The following PHACTR2 variants were observed in gnomAD, a reference collection of about 807,000 sequenced individuals.
PHACTR2 encodes the protein phosphatase and actin regulator 2.
In PHACTR2, 30 loss-of-function variants were observed where a neutral mutation model predicts 76.0. The ratio of observed to expected loss-of-function variants is 0.39; its 90% confidence interval spans 0.30 to 0.54. The LOEUF (loss-of-function observed/expected upper bound fraction) is 0.54, where lower values mean the gene tolerates loss of function less well. PHACTR2 is among the 20% of genes least tolerant of loss of function. PHACTR2 has a pLI of 0.61. For synonymous variants in PHACTR2, 292 were observed against 292.5 expected, an observed-to-expected ratio of 1.00 and a Z score of 0.02; for missense variants, 696 against 781.1, an observed-to-expected ratio of 0.89 and a Z score of 1.30.
In PHACTR2 at chr6:143,580,540, G is replaced by A. The variant is rs1775561031; in HGVS notation, c.217+43333G>A. Among the ~76,000 whole-genome samples, 1 of 151,864 alleles carries A rather than the reference G, an allele frequency of 6.6e-6. No individual in the cohort carries two copies. Among genetic ancestry groups the A allele is most frequent in the Non-Finnish European group, 1.5e-5 (1 of 67,968 alleles). On this transcript the variant is annotated intron_variant, in intron 1 of 11. Transcript: ENST00000367584. The surrounding 1 kb of genome is among the most constrained non-coding windows in gnomAD (Gnocchi z 4.2). The stretch of plus-strand genomic sequence containing the variant: ...TACAAACAATTAGCTGGGCGTGGTG[G>A]CACACACCTGTAATCCCAGCTACTT...
In PHACTR2 at chr6:143,541,849, A is replaced by G. The variant is rs1238216752; in HGVS notation, c.217+4642A>G. Among the ~76,000 whole-genome samples, 1 of 152,146 alleles carries G rather than the reference A, an allele frequency of 6.6e-6. No individual in the cohort carries two copies. Among genetic ancestry groups the G allele is most frequent in the Non-Finnish European group, 1.5e-5 (1 of 68,026 alleles). On this transcript the variant is annotated intron_variant, in intron 1 of 11. Coordinates refer to the PHACTR2 transcript ENST00000367584. The surrounding 1 kb of genome is among the most constrained non-coding windows in gnomAD (Gnocchi z 5.3). ...TTGCTTATCCCTTGCTGGTGCTTCT[A>G]CTATGTTTCTTACTGACCTCCAAGG...
chr6:143,790,224 C>T lies in PHACTR2; in HGVS notation c.1845+1314C>T, dbSNP rs141906876. On this transcript the variant is annotated intron_variant, in intron 11 of 12. Coordinates refer to ENST00000440869, the MANE Select transcript of PHACTR2 (RefSeq NM_001100164.2). ...TTGTGAAGGTCAATAAGCTTGGGTGCGTAAATTTGGAAAATGAGATACAGT... is the reference window on the plus strand; with the variant it reads ...TTGTGAAGGTCAATAAGCTTGGGTGTGTAAATTTGGAAAATGAGATACAGT... Among the ~76,000 whole-genome samples the T allele has an allele frequency of 5.9e-5, 9 of 151,698 alleles. No individual in the cohort carries two copies. The East Asian group carries it at 1.4e-3, about 23-fold the overall frequency.
intron 1 of PHACTR2, among the ~76,000 whole-genome samples, chr6:143,622,185 A>C (rs1438962068): frequency 6.6e-6 from 1 of 152,044 alleles, no homozygotes; most frequent in Non-Finnish European, 1.5e-5. Flanking sequence ...TATATCTTTT[A>C]ATGTTTCCTC....
chr6:143,740,066 C>G (rs552257104), intron 2 of PHACTR2, among the ~76,000 whole-genome samples: 2 of 152,312 alleles, frequency 1.3e-5, no homozygotes, highest in East Asian at 3.9e-4. Flanking sequence ...GACGGAGCAG[C>G]CCTGAGGGCT....
intron 2 of PHACTR2, among the ~76,000 whole-genome samples, chr6:143,729,951 C>T (rs1005806849): frequency 6.6e-6 from 1 of 152,144 alleles, no homozygotes; most frequent in Non-Finnish European, 1.5e-5. Context: ...ATTACCTTTG[C>T]ACCTTTGTTC....
At chr6:143,573,309 T>C (rs1220295471) in intron 1 of PHACTR2, among the ~76,000 whole-genome samples, 1 of 152,222 alleles carries the variant, frequency 6.6e-6, no homozygotes, top group Non-Finnish European at 1.5e-5. Flanking sequence ...GGCTGCGTGC[T>C]TGGTTTAAGG....
In PHACTR2 at chr6:143,651,242, G is replaced by A. The variant is rs1312790800; in HGVS notation, c.13+42920G>A. On this transcript the variant is annotated intron_variant, in intron 1 of 11. Transcript: ENST00000305766. ...AAGGAACACTCTTACACTCTTGGTG[G>A]GAGTGTGAATTAGTTCAACCTTTGT... 2.0e-5 allele frequency among the ~76,000 whole-genome samples: 3 copies of A among 152,206 alleles called. No homozygotes were observed. The East Asian group carries it at 5.8e-4, about 29-fold the overall frequency.
chr6:143,596,594 T>C lies in PHACTR2; in HGVS notation c.217+59387T>C, dbSNP rs1582689760. Among the ~76,000 whole-genome samples the C allele has an allele frequency of 6.6e-6, 1 of 152,284 alleles. No individual in the cohort carries two copies. The highest frequency in any genetic ancestry group is 1.9e-4 in the East Asian group (1 of 5,180). On this transcript the variant is annotated intron_variant, in intron 1 of 11. Transcript: ENST00000367584. This position sits in a 1 kb window ranked among gnomAD's most constrained non-coding sequence, Gnocchi z 4.6. ...TGGCTCATGCCTGTAATCCCAGCAT[T>C]ATGGGATGCCAAGGTGGGAGGATCA...
intron 1 of PHACTR2, among the ~76,000 whole-genome samples, chr6:143,588,163 G>T (rs1028666273): frequency 6.6e-6 from 1 of 151,996 alleles, no homozygotes; most frequent in African/African-American, 2.4e-5. Flanking sequence ...AGAATTACAG[G>T]ATCCCAATTT....
At position 143,772,191 on chromosome 6, in the gene PHACTR2, T is replaced by C. The variant is rs1025095933; in HGVS notation, c.1233-67T>C. On this transcript the variant is annotated intron_variant, in intron 6 of 12. Transcript: ENST00000440869. The surrounding 1 kb of genome is among the most constrained non-coding windows in gnomAD (Gnocchi z 5.4). ...CCCATGAAACTAGAGCTCTTTTTCTTAGTGTCAGTGCCGCCAAGGGTTGCT... is the reference window on the plus strand; with the variant it reads ...CCCATGAAACTAGAGCTCTTTTTCTCAGTGTCAGTGCCGCCAAGGGTTGCT... 1 of 1,115,142 alleles carries C rather than the reference T, an allele frequency of 9.0e-7. No individual in the cohort carries two copies. Among genetic ancestry groups the C allele is most frequent in the African/African-American group, 1.5e-5 (1 of 65,090 alleles). 69.1% of individuals were successfully genotyped at this position (1,115,142 alleles called of 1,614,324 possible). A position where few individuals can be genotyped will look rare whatever the true frequency, so the allele number is the denominator to read the frequency against.
Position 143,823,829 on chromosome 6 carries a change from G to C in PHACTR2, c.*140G>C. ...GTGAAGGAAGTGTGTGACTCAGCTT[G>C]GCTGGGAAGTGCTCCTCACCTGTGT... On this transcript the variant is annotated 3_prime_UTR_variant, in exon 13 of 13. Coordinates refer to ENST00000440869, the MANE Select transcript of PHACTR2 (RefSeq NM_001100164.2). The surrounding 1 kb of genome is among the most constrained non-coding windows in gnomAD (Gnocchi z 5.7). 1.3e-6 allele frequency: 1 copy of C among 751,214 alleles called. No individual in the cohort carries two copies. Among genetic ancestry groups the C allele is most frequent in the Non-Finnish European group, 2.3e-6 (1 of 426,628 alleles). The allele number at this position is 751,214 out of a possible 1,614,324, so 46.5% of individuals were successfully genotyped here. A position where few individuals can be genotyped will look rare whatever the true frequency, so the allele number is the denominator to read the frequency against.
chr6:143,714,231 A>G (rs1778250394), intron 2 of PHACTR2, among the ~76,000 whole-genome samples: 2 of 152,234 alleles, frequency 1.3e-5, no homozygotes, highest in African/African-American at 2.4e-5. Flanking sequence ...ATCTTGAGGT[A>G]TAAAAGAAAG....
intron 6 of PHACTR2, among the ~76,000 whole-genome samples, chr6:143,771,158 GTATATATATATATATGTA>G (rs1305029698): frequency 0.046 from 664 of 14,516 alleles, 20 homozygotes; most frequent in South Asian, 0.29. Flanking sequence ...ATATATATAT[GTATATATATATATATGTA>G]TATATATATA....
intron 1 of PHACTR2, among the ~76,000 whole-genome samples, chr6:143,538,527 C>T (rs546506079): frequency 7.9e-5 from 12 of 152,316 alleles, no homozygotes; most frequent in African/African-American, 2.2e-4. Flanking sequence ...CTACCCATAG[C>T]GGCAAAAGCC....
At position 143,803,505 on chromosome 6, in the gene PHACTR2, G is replaced by A. The variant is rs1025209609; in HGVS notation, c.1846-3552G>A. 2.6e-5 allele frequency among the ~76,000 whole-genome samples: 4 copies of A among 152,080 alleles called. No homozygotes were observed. The highest frequency in any genetic ancestry group is 9.7e-5 in the African/African-American group (4 of 41,388). Reference sequence around the variant, plus strand: ...AGAGGTTGCAGTGAGCTGAGATCACGCCACTGCACTCCAACCTGAATGACA... The same window carrying A: ...AGAGGTTGCAGTGAGCTGAGATCACACCACTGCACTCCAACCTGAATGACA... On this transcript the variant is annotated intron_variant, in intron 11 of 12. Transcript: ENST00000440869. This position sits in a 1 kb window ranked among gnomAD's most constrained non-coding sequence, Gnocchi z 4.7.
At chr6:143,766,006 A>G (rs762339037) in intron 6 of PHACTR2, among the ~76,000 whole-genome samples, 13 of 152,218 alleles carry the variant, frequency 8.5e-5, no homozygotes, top group Non-Finnish European at 1.6e-4. Flanking sequence ...GGTAGAGCTG[A>G]CAAATACCAC....
At chr6:143,711,842 A>G (rs769544818) in intron 1 of PHACTR2, 174 bp from the exon 2 acceptor site, 5 of 758,240 alleles carry the variant, frequency 6.6e-6, no homozygotes, top group Admixed American at 1.7e-5. Context: ...TTTCTGATTG[A>G]CTGATTGATA....
rs1034005127 is a variant in PHACTR2 at position 143,695,602 on chromosome 6, T to C, written c.47-16414T>C. On this transcript the variant is annotated intron_variant, in intron 1 of 12. Transcript: ENST00000440869. This position sits in a 1 kb window ranked among gnomAD's most constrained non-coding sequence, Gnocchi z 4.4. ...GCAAAGGGAATGAGCATAAGGTTCC[T>C]GCTAGATCTTTAAAAGGGAAGGGCA... 6.6e-6 allele frequency among the ~76,000 whole-genome samples: 1 copy of C among 152,228 alleles called. No homozygotes were observed. Among genetic ancestry groups the C allele is most frequent in the Non-Finnish European group, 1.5e-5 (1 of 68,034 alleles).
Position 143,827,155 on chromosome 6 carries a change from A to AATATATATACATATAT in PHACTR2, c.*3475_*3476insCATATATATATATATA, listed in dbSNP as rs1554231995. 4 of 77,232 alleles carry AATATATATACATATAT rather than the reference A, an allele frequency of 5.2e-5. No homozygotes were observed. Among genetic ancestry groups the AATATATATACATATAT allele is most frequent in the Non-Finnish European group, 9.7e-5 (4 of 41,048 alleles). The allele number at this position is 77,232 out of a possible 1,614,324, so 4.8% of individuals were successfully genotyped here. On this transcript the variant is annotated 3_prime_UTR_variant, in exon 13 of 13. Coordinates refer to ENST00000440869, the MANE Select transcript of PHACTR2 (RefSeq NM_001100164.2). ...GGGCTGCGTTGGCATTAAAAAAGAA[A>AATATATATACATATAT]ATATATATATATATATATATATATA... is the stretch of plus-strand genomic sequence containing the variant.
Sources: allele counts gnomAD v4.1 joint callset (sites outside exome capture counted in the v4.1 genomes callset), GRCh38; gene constraint gnomAD v4.1.1; non-coding constraint Gnocchi (gnomAD v3.1); transcripts MANE v1.5; gene names NCBI Gene and HGNC (gene_info 2026-07-23, HGNC 2026-07-21).